Variants in MKS1 observed in about 807,000 individuals in gnomAD.
MKS1 encodes the protein MKS transition zone complex subunit 1.
A neutral mutation model predicts 83.7 loss-of-function variants in MKS1; 70 were observed. The ratio of observed to expected loss-of-function variants is 0.84; its 90% CI spans 0.69 to 1.02. MKS1 has a LOEUF of 1.02. MKS1 is among the 50% of genes least tolerant of loss of function. MKS1 has a pLI of 0.00. For missense variants in MKS1, 681 were observed against 726.9 expected (o/e 0.94, Z 0.73); for synonymous variants, 251 against 273.4 (o/e 0.92, Z 0.81).
Position 58,216,091 on chromosome 17 carries a change from C to A in MKS1, c.414G>T (p.Glu138Asp), listed in dbSNP as rs749341221. The A allele has an allele frequency of 1.9e-6, 3 of 1,614,186 alleles. No individual in the cohort carries two copies. Among genetic ancestry groups the A allele is most frequent in the South Asian group, 1.1e-5 (1 of 91,080 alleles). ...YTDSDRYTNLEEHCQRMTTAA... is the reference protein window; with the variant it reads ...YTDSDRYTNLDEHCQRMTTAA... The stretch of plus-strand genomic sequence containing the variant: ...GAGACCCTAGAAAGAACAATACCTC[C>A]TCCAAATTGGTGTATCTATCAGAGT... The change falls in exon 4 of 18, where the codon GAG becomes GAT. Residue 138 changes from glutamate to aspartate, a missense_variant. By Grantham distance (45) the Glu-to-Asp change is conservative (BLOSUM62 2). Coordinates refer to ENST00000393119, the MANE Select transcript of MKS1 (RefSeq NM_017777.4).
chr17:58,206,864 A>G, intron 15 of MKS1: 1 of 658,930 alleles, frequency 1.5e-6, no homozygotes, highest in Non-Finnish European at 2.6e-6. Flanking sequence ...AACCAGGGGA[A>G]ATCTCTAATT....
intron 9 of MKS1, among the ~76,000 whole-genome samples, chr17:58,212,153 A>T (rs978776999): frequency 3.3e-5 from 5 of 152,288 alleles, no homozygotes; most frequent in Admixed American, 6.5e-5. Flanking sequence ...AGCCACCCAC[A>T]GCATGTGCAT....
At chr17:58,207,700 G>C in intron 14 of MKS1, 194 bp downstream of exon 14, 1 of 660,894 alleles carries the variant, frequency 1.5e-6, no homozygotes, top group East Asian at 2.7e-5. Flanking sequence ...AGACTGTCAG[G>C]AAGTCAGTGC....
At chr17:58,207,304 A>C in intron 14 of MKS1, 86 bp from the exon 15 acceptor site, 6 of 1,581,288 alleles carry the variant, frequency 3.8e-6, no homozygotes, top group Non-Finnish European at 5.2e-6. Flanking sequence ...ACAGGCCTAG[A>C]CTCAGCTAAA....
intron 11 of MKS1, 112 bp downstream of exon 11, chr17:58,210,547 C>A (rs376277026): frequency 9.2e-7 from 1 of 1,090,312 alleles, no homozygotes; most frequent in Non-Finnish European, 1.4e-6. Flanking sequence ...GATCTATGAC[C>A]TTGAAAAGAA....
intron 2 of MKS1, 87 bp from the exon 3 acceptor site, chr17:58,216,823 T>C (rs953270833): frequency 1.1e-5 from 16 of 1,392,074 alleles, no homozygotes; most frequent in South Asian, 4.7e-5. Context: ...AAGTCCCTAT[T>C]CTTATATTTG....
At chr17:58,210,183 G>A (rs1968789026) in intron 11 of MKS1, among the ~76,000 whole-genome samples, 1 of 152,186 alleles carries the variant, frequency 6.6e-6, no homozygotes, top group Non-Finnish European at 1.5e-5. Flanking sequence ...GAGGTAACTG[G>A]ATATGAGTCT....
In MKS1 at chr17:58,218,600, A is replaced by G. The variant is rs767872524; in HGVS notation, c.190+20T>C. 1.9e-6 allele frequency: 3 copies of G among 1,544,842 alleles called. No homozygotes were observed. Among genetic ancestry groups the G allele is most frequent in the South Asian group, 2.2e-5 (2 of 89,652 alleles). On this transcript the variant is annotated intron_variant, in intron 2 of 17. Coordinates refer to ENST00000393119, the MANE Select transcript of MKS1 (RefSeq NM_017777.4). The stretch of plus-strand genomic sequence containing the variant: ...TATCATAATTAGTATTAGATGGCAC[A>G]TCACCACCGTAACACCCACTGGCAG...
At chr17:58,215,971 C>T (rs1281077837) in intron 4 of MKS1, 117 bp downstream of exon 4, 1 of 1,281,580 alleles carries the variant, frequency 7.8e-7, no homozygotes, top group African/African-American at 1.5e-5. Context: ...ACAGCAGTTC[C>T]TAGACAGGCT....
intron 3 of MKS1, 53 bp downstream of exon 3, chr17:58,216,613 T>C (rs752572547): frequency 5.1e-6 from 8 of 1,572,532 alleles, no homozygotes; most frequent in Non-Finnish European, 7.0e-6. Flanking sequence ...TCACCAGCCA[T>C]GTGGAGGTAG....
Position 58,208,677 on chromosome 17 carries a change from T to A in MKS1, c.1025-94A>T, listed in dbSNP as rs1030410986. ...TTCTTTTTTCTTTTCTTTTTTTTTTTTGTATTTATTGATCATTCTTGGGTG... is the reference window on the plus strand; with the variant it reads ...TTCTTTTTTCTTTTCTTTTTTTTTTATGTATTTATTGATCATTCTTGGGTG... On this transcript the variant is annotated intron_variant, in intron 11 of 17. Transcript: ENST00000393119. The A allele has an allele frequency of 3.4e-6, 4 of 1,183,962 alleles. No individual in the cohort carries two copies. In the African/African-American group the frequency reaches 6.1e-5, roughly 18 times the overall value. 73.3% of individuals were successfully genotyped at this position (1,183,962 alleles called of 1,614,324 possible).
At chr17:58,207,533 A>C (rs1968595266) in intron 14 of MKS1, 3 of 544,398 alleles carry the variant, frequency 5.5e-6, no homozygotes, top group Non-Finnish European at 9.9e-6. Context: ...GGGAGAATTA[A>C]GTGAGAAGTA....
Position 58,208,516 on chromosome 17 carries a change from T to G in MKS1, c.1092A>C (p.Ala364=), listed in dbSNP as rs1379453194. The G allele has an allele frequency of 6.2e-7, 1 of 1,613,926 alleles. No individual in the cohort carries two copies. Among genetic ancestry groups the G allele is most frequent in the Non-Finnish European group, 8.5e-7 (1 of 1,179,902 alleles). ...VTQTCTTKSL[A]MDKVAHFSYP... ...TACCCGCTCTCATTCTCCATACCAT[T>G]GCCAGGGACTTGGTGGTGCAGGTCT... The change falls in exon 12 of 18, where the codon GCA becomes GCC. Residue 364 remains alanine, a synonymous_variant. Coordinates refer to ENST00000393119, the MANE Select transcript of MKS1 (RefSeq NM_017777.4).
chr17:58,206,867 C>G, intron 15 of MKS1: 1 of 666,724 alleles, frequency 1.5e-6, no homozygotes, highest in African/African-American at 1.8e-5. Flanking sequence ...CAGGGGAAAT[C>G]TCTAATTATA....
Position 58,218,734 on chromosome 17 carries a change from C to T in MKS1, c.81-5G>A. 1 of 1,604,600 alleles carries T rather than the reference C, an allele frequency of 6.2e-7. No individual in the cohort carries two copies. Among genetic ancestry groups the T allele is most frequent in the Non-Finnish European group, 8.5e-7 (1 of 1,171,566 alleles). On this transcript the variant is annotated splice_region_variant and splice_polypyrimidine_tract_variant and intron_variant, in intron 1 of 17. Coordinates refer to ENST00000393119, the MANE Select transcript of MKS1 (RefSeq NM_017777.4). ...GTGATTCTTTGCAGGTGGACTCTGT[C>T]AAGAAAAGCCCAAAATATTCGTTAC...
At chr17:58,208,723 G>A (rs568227592) in intron 11 of MKS1, 140 bp from the exon 12 acceptor site, 63 of 779,172 alleles carry the variant, frequency 8.1e-5, no homozygotes, top group Non-Finnish European at 1.3e-4. Context: ...AGGGGGATGT[G>A]GCAGGGTCAT....
chr17:58,208,295 G>A (rs759356276), intron 12 of MKS1, 121 bp from the exon 13 acceptor site: 1 of 1,027,436 alleles, frequency 9.7e-7, no homozygotes, highest in Non-Finnish European at 1.5e-6. Flanking sequence ...TGGGAAATAG[G>A]AGTCTGAGAT....
chr17:58,213,462 C>G (rs566600616), intron 7 of MKS1, among the ~76,000 whole-genome samples: 1 of 152,310 alleles, frequency 6.6e-6, no homozygotes, highest in African/African-American at 2.4e-5. Flanking sequence ...ACAGGAAAAG[C>G]CTGGCTGAGT....
intron 4 of MKS1, chr17:58,215,505 G>A (rs1277471079): frequency 6.0e-6 from 1 of 166,764 alleles, no homozygotes; most frequent in Admixed American, 5.5e-5. Flanking sequence ...TCCTTGCAGA[G>A]ACCTACAGAG....
Sources: gnomAD v4.1 joint callset for allele counts (sites outside exome capture counted in the v4.1 genomes callset) on GRCh38, gnomAD v4.1.1 for gene constraint, MANE v1.5 for transcripts, NCBI Gene and HGNC (gene_info 2026-07-23, HGNC 2026-07-21) for gene names.